CAGE1: variants seen among roughly 807,000 people sequenced by gnomAD.
CAGE1 encodes the protein cancer antigen 1.
CAGE1 carries 66 observed loss-of-function variants against 94.9 expected under a neutral mutation model. The ratio of observed to expected loss-of-function variants is 0.70; its 90% CI spans 0.57 to 0.85. CAGE1 has a LOEUF of 0.85. CAGE1 is among the 40% of genes least tolerant of loss of function. CAGE1 has a pLI of 0.00. For missense variants in CAGE1, 865 were observed against 950.4 expected (o/e 0.91, Z 1.18); for synonymous variants, 319 against 321.0 (o/e 0.99, Z 0.07).
At chr6:7,382,364 C>T (rs1451034943) in intron 3 of CAGE1, among the ~76,000 whole-genome samples, 3 of 151,840 alleles carry the variant, frequency 2.0e-5, no homozygotes, top group Non-Finnish European at 2.9e-5. Flanking sequence ...GTCAGTGGCA[C>T]GATCTCGGCT....
chr6:7,356,008 G>GAA lies in CAGE1; in HGVS notation c.2298+15_2298+16dup. 1.4e-6 allele frequency: 2 copies of GAA among 1,393,998 alleles called. No individual in the cohort carries two copies. Among genetic ancestry groups the GAA allele is most frequent in the Non-Finnish European group, 9.9e-7 (1 of 1,009,718 alleles). 86.4% of individuals were successfully genotyped at this position (1,393,998 alleles called of 1,614,324 possible). ...TGAGATCTTGTCTCAAAATACAAAAGAAAAAAAAATGTCTACCTTCTTTAT... is the reference window on the plus strand; with the variant it reads ...TGAGATCTTGTCTCAAAATACAAAAGAAAAAAAAAAATGTCTACCTTCTTTAT... On this transcript the variant is annotated intron_variant, in intron 10 of 13. Coordinates refer to ENST00000502583, the MANE Select transcript of CAGE1 (RefSeq NM_001170692.2).
chr6:7,334,560 C>T, intron 11 of CAGE1, among the ~76,000 whole-genome samples: 1 of 151,916 alleles, frequency 6.6e-6, no homozygotes. Context: ...GAAATTCTGT[C>T]TCTACAAAAA....
intron 11 of CAGE1, among the ~76,000 whole-genome samples, chr6:7,345,001 G>A (rs1759375234): frequency 6.6e-6 from 1 of 152,194 alleles, no homozygotes; most frequent in Non-Finnish European, 1.5e-5. Flanking sequence ...GCAGGATGTG[G>A]GTGGGGCCAG....
At chr6:7,341,405 T>G in intron 11 of CAGE1, 1 of 874,966 alleles carries the variant, frequency 1.1e-6, no homozygotes, top group Non-Finnish European at 1.9e-6. Context: ...ATGTGATGGA[T>G]TCATCAAAAA....
intron 11 of CAGE1, among the ~76,000 whole-genome samples, chr6:7,340,494 T>C (rs188759256): frequency 1.5e-4 from 23 of 152,324 alleles, no homozygotes; most frequent in Admixed American, 9.2e-4. Flanking sequence ...ACCATCTAAA[T>C]AGGGGCCCAG....
At position 7,373,722 on chromosome 6, in the gene CAGE1, T is replaced by C. The variant is rs1349842479; in HGVS notation, c.1097A>G (p.Glu366Gly). ...KLKENVEELI[E>G]DKYKIILEKN... ...CTCTAGGATTATTTTGTATTTGTCT[T>C]CAATTAATTCTTCAACATTCTCCTT... The change falls in exon 5 of 14, where the codon GAA (glutamate) becomes GGA (glycine). Residue 366 changes from glutamate (E) to glycine (G), a missense_variant. By Grantham distance (98) the Glu-to-Gly change is moderately conservative (BLOSUM62 -2). Transcript: ENST00000502583. 2 of 1,612,674 alleles carry C rather than the reference T, an allele frequency of 1.2e-6. No individual in the cohort carries two copies. The highest frequency in any genetic ancestry group is 1.7e-5 in the Admixed American group (1 of 59,896).
At chr6:7,342,674 G>C (rs2714317) in intron 11 of CAGE1, among the ~76,000 whole-genome samples, 2,510 of 152,298 alleles carry the variant, frequency 0.016, 89 homozygotes, top group African/African-American at 0.057. Context: ...GTTAATCATT[G>C]TTTTTGTTGC....
intron 11 of CAGE1, among the ~76,000 whole-genome samples, chr6:7,348,136 T>C (rs529586941): frequency 6.6e-6 from 1 of 152,066 alleles, no homozygotes; most frequent in East Asian, 1.9e-4. Context: ...AATAAAACAT[T>C]AAACCACCCA....
At chr6:7,327,702 A>G (rs1758582803) in intron 13 of CAGE1, among the ~76,000 whole-genome samples, 2 of 152,070 alleles carry the variant, frequency 1.3e-5, no homozygotes, top group Non-Finnish European at 2.9e-5. Context: ...AGGCTGAGGC[A>G]GGCGGACCAC....
At chr6:7,386,815 T>C (rs898219937) in intron 2 of CAGE1, among the ~76,000 whole-genome samples, 164 bp downstream of exon 2, 1 of 152,162 alleles carries the variant, frequency 6.6e-6, no homozygotes, top group African/African-American at 2.4e-5. Flanking sequence ...AAAATGTATC[T>C]TACGCTAGCG....
chr6:7,380,799 G>A (rs996076398), intron 3 of CAGE1, among the ~76,000 whole-genome samples: 1 of 152,104 alleles, frequency 6.6e-6, no homozygotes, highest in African/African-American at 2.4e-5. Flanking sequence ...CAGCACTGCA[G>A]TGAACATGTT....
rs115782023 is a variant in CAGE1, at chr6:7,362,817, C to T, written c.2193+2651G>A. Among the ~76,000 whole-genome samples the T allele has an allele frequency of 2.8e-3, 422 of 152,238 alleles. 4 individuals are homozygous for T. The highest frequency in any genetic ancestry group is 9.4e-3 in the African/African-American group (390 of 41,534). Reference sequence around the variant, plus strand: ...CATAATGAACCTCCATGTTTCCATCCCATAACTTCAACAATTATCAACATT... The same window carrying T: ...CATAATGAACCTCCATGTTTCCATCTCATAACTTCAACAATTATCAACATT... On this transcript the variant is annotated intron_variant, in intron 9 of 13. Coordinates refer to ENST00000502583, the MANE Select transcript of CAGE1 (RefSeq NM_001170692.2). The surrounding 1 kb of genome is among the most constrained non-coding windows in gnomAD (Gnocchi z 4.1).
At chr6:7,355,766 C>A (rs1759929936) in intron 10 of CAGE1, among the ~76,000 whole-genome samples, 1 of 152,140 alleles carries the variant, frequency 6.6e-6, no homozygotes, top group Non-Finnish European at 1.5e-5. Flanking sequence ...TTTTGGGAGG[C>A]CGAGGCAGAA....
At chr6:7,378,466 TACAATTTTTAAAATGC>T in intron 4 of CAGE1, 135 bp downstream of exon 4, 1 of 494,014 alleles carries the variant, frequency 2.0e-6, no homozygotes, top group Non-Finnish European at 3.4e-6. Context: ...TATATATATA[TACAATTTTTAAAATGC>T]ATCCTTTAAT....
chr6:7,374,150 A>C lies in CAGE1; in HGVS notation c.688-19T>G, dbSNP rs1485795985. Reference sequence around the variant, plus strand: ...CTGCAGTCTGTAAATTATAGTAAACAAAGTAAGTGTGAACGAGTAGAAAGA... The same window carrying C: ...CTGCAGTCTGTAAATTATAGTAAACCAAGTAAGTGTGAACGAGTAGAAAGA... On this transcript the variant is annotated intron_variant, in intron 4 of 13. Transcript: ENST00000502583. 1 of 1,582,048 alleles carries C rather than the reference A, an allele frequency of 6.3e-7. No individual in the cohort carries two copies. The highest frequency in any genetic ancestry group is 2.2e-5 in the East Asian group (1 of 44,464).
chr6:7,337,864 T>C (rs1291267583), intron 11 of CAGE1, among the ~76,000 whole-genome samples: 1 of 152,206 alleles, frequency 6.6e-6, no homozygotes, highest in Non-Finnish European at 1.5e-5. Flanking sequence ...GAGTTTAGAA[T>C]CAGCTTGTTA....
At chr6:7,382,432 G>C (rs1048390721) in intron 3 of CAGE1, among the ~76,000 whole-genome samples, 1 of 151,892 alleles carries the variant, frequency 6.6e-6, no homozygotes, top group African/African-American at 2.4e-5. Flanking sequence ...CTCCTGAGTA[G>C]CTGGGACTAC....
intron 11 of CAGE1, chr6:7,341,591 C>G: frequency 2.1e-6 from 2 of 958,170 alleles, no homozygotes; most frequent in South Asian, 2.6e-5. Flanking sequence ...AGGGCTTCCT[C>G]TAACTTGTCC....
chr6:7,360,366 A>G (rs1168352603), intron 9 of CAGE1, among the ~76,000 whole-genome samples: 1 of 152,178 alleles, frequency 6.6e-6, no homozygotes, highest in Non-Finnish European at 1.5e-5. Context: ...TGGCCTGGCC[A>G]TAAGGTGAAG....
Sources: allele counts gnomAD v4.1 joint callset (sites outside exome capture counted in the v4.1 genomes callset), GRCh38; gene constraint gnomAD v4.1.1; non-coding constraint Gnocchi (gnomAD v3.1); transcripts MANE v1.5; gene names NCBI Gene and HGNC (gene_info 2026-07-23, HGNC 2026-07-21).